GASK1A: variants seen among roughly 807,000 people sequenced by gnomAD.
GASK1A encodes the protein golgi associated kinase 1A.
Under a neutral mutation model 41.2 loss-of-function variants are expected in GASK1A, and 40 were observed. The observed-to-expected ratio is 0.97, with a 90% CI of 0.75 to 1.27. GASK1A has a LOEUF of 1.27. Among genes scored for constraint, GASK1A ranks in the 50% most tolerant of loss-of-function variants. GASK1A has a pLI of 0.00. For missense variants in GASK1A, 678 were observed against 745.1 expected, an observed-to-expected ratio of 0.91 and a Z score of 1.05; for synonymous variants, 316 against 307.1, an observed-to-expected ratio of 1.03 and a Z score of -0.30.
chr3:42,991,454 G>A (rs1183046467), intron 1 of GASK1A, among the ~76,000 whole-genome samples: 5 of 152,136 alleles, frequency 3.3e-5, no homozygotes, highest in African/African-American at 4.8e-5. Context: ...CATTCACAGT[G>A]TCACAATGAA....
chr3:43,030,203 C>T (rs897980709), intron 1 of GASK1A, among the ~76,000 whole-genome samples: 5 of 152,224 alleles, frequency 3.3e-5, no homozygotes, highest in African/African-American at 4.8e-5. Flanking sequence ...GACAAAGTTT[C>T]GCCATGTTGG....
intron 1 of GASK1A, among the ~76,000 whole-genome samples, chr3:43,027,904 T>C (rs1289297098): frequency 6.6e-6 from 1 of 152,222 alleles, no homozygotes; most frequent in Non-Finnish European, 1.5e-5. Context: ...GTGATCAGAC[T>C]ACAACTTGGT....
At chr3:43,018,393 T>G (rs1316153153) in intron 1 of GASK1A, among the ~76,000 whole-genome samples, 3 of 152,220 alleles carry the variant, frequency 2.0e-5, no homozygotes, top group African/African-American at 7.2e-5. Flanking sequence ...ACAAGTCAGA[T>G]GTTTTCAATT....
chr3:43,037,384 T>C, intron 2 of GASK1A: 1 of 967,030 alleles, frequency 1.0e-6, no homozygotes, highest in Non-Finnish European at 1.7e-6. Context: ...TGAAATGCAC[T>C]AAGTACAGAC....
chr3:43,026,087 G>A (rs1328906218), intron 1 of GASK1A, among the ~76,000 whole-genome samples: 1 of 152,176 alleles, frequency 6.6e-6, no homozygotes, highest in Non-Finnish European at 1.5e-5. Flanking sequence ...CACACCTGAG[G>A]AGCAGAATCA....
intron 1 of GASK1A, among the ~76,000 whole-genome samples, chr3:42,987,327 G>A (rs1467740029): frequency 6.6e-6 from 1 of 152,172 alleles, no homozygotes. Flanking sequence ...GGGAAGGGGT[G>A]TCTGTAATGA....
At chr3:42,987,303 A>G (rs745681332) in intron 1 of GASK1A, among the ~76,000 whole-genome samples, 1 of 152,236 alleles carries the variant, frequency 6.6e-6, no homozygotes, top group Non-Finnish European at 1.5e-5. Flanking sequence ...TGGGCACACA[A>G]AGTGGAGAGG....
rs143584745 is a variant in GASK1A, at chr3:43,034,865, G to A, written c.1290+1312G>A. Among the ~76,000 whole-genome samples the A allele has an allele frequency of 2.0e-5, 3 of 152,214 alleles. No individual in the cohort carries two copies. In the East Asian group the frequency reaches 5.8e-4, roughly 29 times the overall value. Reference sequence around the variant, plus strand: ...TTGGAGGTTGCCATACTCTCCTTTTGGCCACAGGCTCTACCTCTTTATTGT... The same window carrying A: ...TTGGAGGTTGCCATACTCTCCTTTTAGCCACAGGCTCTACCTCTTTATTGT... On this transcript the variant is annotated intron_variant, in intron 2 of 4. Transcript: ENST00000430121.
chr3:43,002,584 G>A (rs2089414697), intron 1 of GASK1A, among the ~76,000 whole-genome samples: 1 of 152,170 alleles, frequency 6.6e-6, no homozygotes, highest in South Asian at 2.1e-4. Context: ...CTGAAATGTA[G>A]CTGGTCTGAA....
intron 2 of GASK1A, among the ~76,000 whole-genome samples, chr3:43,039,205 G>GTTTTT (rs1329284553): frequency 3.2e-5 from 4 of 125,764 alleles, no homozygotes; most frequent in Non-Finnish European, 5.0e-5. Flanking sequence ...TTTTTTTTTG[G>GTTTTT]TTTTTTTTTT....
At chr3:43,004,962 C>T (rs1018442441) in intron 1 of GASK1A, among the ~76,000 whole-genome samples, 40 of 152,296 alleles carry the variant, frequency 2.6e-4, no homozygotes, top group Admixed American at 5.2e-4. Flanking sequence ...GAATCCATTT[C>T]CTTGCCACCT....
At chr3:43,014,645 C>T (rs1208816495) in intron 1 of GASK1A, among the ~76,000 whole-genome samples, 1 of 151,404 alleles carries the variant, frequency 6.6e-6, no homozygotes, top group Non-Finnish European at 1.5e-5. Flanking sequence ...GAATGAGTGG[C>T]TATGGGAAGT....
rs2089718139 is a variant in GASK1A, at chr3:43,056,696, TG to T, written c.*311del. 3.8e-6 allele frequency: 1 copy of T among 262,064 alleles called. No individual in the cohort carries two copies. The highest frequency in any genetic ancestry group is 2.1e-5 in the African/African-American group (1 of 46,684). The allele number at this position is 262,064 out of a possible 1,614,324, so 16.2% of individuals were successfully genotyped here. A position where few individuals can be genotyped will look rare whatever the true frequency, so the allele number is the denominator to read the frequency against. ...ATATGCAGAGTGGGAGAACTTTGTG[TG>T]TGTGTAGAGGTGTGTAGGTGTGGGT... is the stretch of plus-strand genomic sequence containing the variant. On this transcript the variant is annotated 3_prime_UTR_variant, in exon 5 of 5. Transcript: ENST00000430121.
intron 2 of GASK1A, 46 bp from the exon 3 acceptor site, chr3:43,053,475 G>A (rs1480265362): frequency 1.3e-6 from 2 of 1,496,502 alleles, no homozygotes; most frequent in East Asian, 2.5e-5. Flanking sequence ...GCCTGGTGGA[G>A]GCAGGCCCCC....
intron 1 of GASK1A, among the ~76,000 whole-genome samples, chr3:43,026,188 G>C (rs2089546185): frequency 6.6e-6 from 1 of 152,152 alleles, no homozygotes; most frequent in Admixed American, 6.5e-5. Flanking sequence ...ATTGGGATTA[G>C]AAAAGCAGAG....
chr3:43,037,435 TAAATAA>T (rs2125688317), intron 2 of GASK1A: 1 of 844,482 alleles, frequency 1.2e-6, no homozygotes, highest in East Asian at 2.5e-5. Context: ...GCAGCTGTCT[TAAATAA>T]AGAAGAGTAA....
chr3:43,017,375 A>G (rs1425704971), intron 1 of GASK1A, among the ~76,000 whole-genome samples: 2 of 149,980 alleles, frequency 1.3e-5, no homozygotes, highest in East Asian at 4.0e-4. Flanking sequence ...GTGAAGTCAT[A>G]GGAAGGGGCA....
intron 1 of GASK1A, among the ~76,000 whole-genome samples, chr3:43,006,417 T>G (rs2089436240): frequency 6.6e-6 from 1 of 152,260 alleles, no homozygotes; most frequent in African/African-American, 2.4e-5. Flanking sequence ...GTTATATGCC[T>G]GAAATTGCCT....
intron 1 of GASK1A, among the ~76,000 whole-genome samples, chr3:43,008,479 C>G (rs1331198562): frequency 6.6e-6 from 1 of 152,216 alleles, no homozygotes; most frequent in Admixed American, 6.5e-5. Flanking sequence ...ACTGCAAGGC[C>G]TCTTTATTTC....
Sources: allele counts gnomAD v4.1 joint callset (sites outside exome capture counted in the v4.1 genomes callset), GRCh38; gene constraint gnomAD v4.1.1; transcripts MANE v1.5; gene names NCBI Gene and HGNC (gene_info 2026-07-23, HGNC 2026-07-21).